The following KIT variants were observed in gnomAD, a reference collection of about 807,000 sequenced individuals.
The protein encoded by KIT is mast/stem cell growth factor receptor Kit.
In KIT, 16 loss-of-function variants were observed where a neutral mutation model predicts 105.7. The ratio of observed to expected loss-of-function variants is 0.15; its 90% confidence interval spans 0.10 to 0.23. KIT has a LOEUF of 0.23. KIT is among the 10% of genes least tolerant of loss of function. The probability of loss-of-function intolerance (pLI) is 1.00; values close to 1 mark genes in which losing one functional copy is unlikely to be tolerated. For synonymous variants in KIT, 438 were observed against 441.1 expected (o/e 0.99, Z 0.09); for missense variants, 858 against 1,213.8 (o/e 0.71, Z 4.36).
At chr4:54,725,576 T>C (rs537348308) in intron 8 of KIT, among the ~76,000 whole-genome samples, 3 of 152,190 alleles carry the variant, frequency 2.0e-5, no homozygotes, top group South Asian at 4.1e-4. Context: ...GGTATTACTA[T>C]CCCTGTTTTA....
At chr4:54,705,406 G>A (rs1487550259) in intron 5 of KIT, among the ~76,000 whole-genome samples, 2 of 152,076 alleles carry the variant, frequency 1.3e-5, no homozygotes, top group Non-Finnish European at 2.9e-5. Context: ...GAAGAGAACA[G>A]GGCTTTGGTA....
chr4:54,690,713 G>A (rs1001752480), intron 1 of KIT, among the ~76,000 whole-genome samples: 2 of 152,122 alleles, frequency 1.3e-5, no homozygotes, highest in African/African-American at 4.8e-5. Flanking sequence ...TGTCTACCAC[G>A]CACATTTCAA....
At chr4:54,682,248 C>A (rs1315366163) in intron 1 of KIT, among the ~76,000 whole-genome samples, 1 of 151,430 alleles carries the variant, frequency 6.6e-6, no homozygotes, top group African/African-American at 2.4e-5. Flanking sequence ...TGCCACCATG[C>A]CTGACTAATT....
At chr4:54,722,131 G>A (rs562401578) in intron 7 of KIT, among the ~76,000 whole-genome samples, 3 of 151,962 alleles carry the variant, frequency 2.0e-5, no homozygotes, top group East Asian at 1.9e-4. Flanking sequence ...GACTACAGGC[G>A]CATGTCACTG....
At chr4:54,674,670 T>C (rs1718340336) in intron 1 of KIT, among the ~76,000 whole-genome samples, 1 of 152,226 alleles carries the variant, frequency 6.6e-6, no homozygotes, top group Admixed American at 6.5e-5. Context: ...GCTTCCAAAA[T>C]AAGTTATTAA....
At chr4:54,724,856 A>G (rs1722121329) in intron 8 of KIT, among the ~76,000 whole-genome samples, 1 of 152,176 alleles carries the variant, frequency 6.6e-6, no homozygotes, top group African/African-American at 2.4e-5. Flanking sequence ...TGTGGGCTGC[A>G]GGTTGGATAA....
At chr4:54,675,386 T>C (rs1718396776) in intron 1 of KIT, among the ~76,000 whole-genome samples, 2 of 152,198 alleles carry the variant, frequency 1.3e-5, no homozygotes, top group South Asian at 4.1e-4. Context: ...ACAGGGCTGG[T>C]CGTTAAGAAT....
intron 5 of KIT, among the ~76,000 whole-genome samples, chr4:54,704,585 C>T (rs1340741001): frequency 1.3e-5 from 2 of 152,110 alleles, no homozygotes; most frequent in African/African-American, 4.8e-5. Flanking sequence ...ATTTATTTTC[C>T]AAGCATCTTT....
chr4:54,733,899 T>A (rs1325824607), intron 17 of KIT, among the ~76,000 whole-genome samples: 1 of 152,204 alleles, frequency 6.6e-6, no homozygotes, highest in African/African-American at 2.4e-5. Flanking sequence ...CATATTGCCC[T>A]TTATAATATT....
At chr4:54,670,051 G>A (rs1577916253) in intron 1 of KIT, among the ~76,000 whole-genome samples, 3 of 152,288 alleles carry the variant, frequency 2.0e-5, no homozygotes, top group East Asian at 3.9e-4. Context: ...AGAGCAGCAG[G>A]CCTCTTGATT....
intron 14 of KIT, among the ~76,000 whole-genome samples, 190 bp downstream of exon 14, chr4:54,729,675 G>C (rs1048087155): frequency 2.6e-5 from 4 of 152,164 alleles, no homozygotes; most frequent in African/African-American, 9.7e-5. Flanking sequence ...TTCAAACCTA[G>C]ATTTTTGCTG....
rs1274601103 is a variant in KIT at position 54,695,746 on chromosome 4, A to G, written c.302A>G (p.His101Arg). 18 of 1,614,216 alleles carry G rather than the reference A, an allele frequency of 1.1e-5. No individual in the cohort carries two copies. Among genetic ancestry groups the G allele is most frequent in the Non-Finnish European group, 1.5e-5 (18 of 1,180,046 alleles). The change falls in exon 2 of 21, where the codon CAC (histidine) becomes CGC (arginine). Residue 101 changes from histidine to arginine, a missense_variant. Transcript: ENST00000288135. ...GGCAAATACACGTGCACCAACAAACACGGCTTAAGCAATTCCATTTATGTG... is the reference window on the plus strand; with the variant it reads ...GGCAAATACACGTGCACCAACAAACGCGGCTTAAGCAATTCCATTTATGTG... ...NTGKYTCTNK[H>R]GLSNSIYVFV...
intron 1 of KIT, among the ~76,000 whole-genome samples, chr4:54,663,358 C>A (rs1189713197): frequency 6.6e-6 from 1 of 152,090 alleles, no homozygotes; most frequent in African/African-American, 2.4e-5. Context: ...GACATAGGGC[C>A]CCTGCGAGGA....
chr4:54,686,670 G>C (rs112665338), intron 1 of KIT, among the ~76,000 whole-genome samples: 3,411 of 152,212 alleles, frequency 0.022, 140 homozygotes, highest in African/African-American at 0.078. Flanking sequence ...TCAGCCTCCT[G>C]AGTACCTGGG....
At chr4:54,729,153 A>G (rs938429720) in intron 13 of KIT, 182 bp from the exon 14 acceptor site, 7 of 619,382 alleles carry the variant, frequency 1.1e-5, no homozygotes, top group Admixed American at 8.8e-5. Flanking sequence ...GTTTTATGTT[A>G]CTCCACATAA....
At chr4:54,700,988 T>C (rs560498375) in intron 4 of KIT, among the ~76,000 whole-genome samples, 4 of 152,390 alleles carry the variant, frequency 2.6e-5, no homozygotes, top group African/African-American at 7.2e-5. Context: ...CTCATATTAA[T>C]TGGCTTTCTA....
rs76365550 is a variant in KIT, at chr4:54,686,051, A to G, written c.68-9461A>G. Among the ~76,000 whole-genome samples the G allele has an allele frequency of 3.4e-4, 52 of 152,278 alleles. 1 individual carries two copies. The East Asian group carries it at 9.1e-3, about 27-fold the overall frequency. ...ATGATAGGAGCTCAATTCCCATTTCATCAATAAGGACACGTTACACAAGTG... is the reference window on the plus strand; with the variant it reads ...ATGATAGGAGCTCAATTCCCATTTCGTCAATAAGGACACGTTACACAAGTG... On this transcript the variant is annotated intron_variant, in intron 1 of 20. Coordinates refer to ENST00000288135, the MANE Select transcript of KIT (RefSeq NM_000222.3).
At chr4:54,723,811 GT>G (rs922337473) in intron 8 of KIT, 113 bp downstream of exon 8, 16 of 762,386 alleles carry the variant, frequency 2.1e-5, no homozygotes, top group Non-Finnish European at 2.5e-5. Flanking sequence ...TTTGATTATT[GT>G]TTTTTTTCTA....
rs576039930 is a variant in KIT, at chr4:54,658,806, C to A, written c.67+725C>A. On this transcript the variant is annotated intron_variant, in intron 1 of 20. Transcript: ENST00000288135. Reference sequence around the variant, plus strand: ...GGCGACAGGGACAACTTGGGCAGGGCGTGTGGAAAGCAGCCGCTAGGTTGC... The same window carrying A: ...GGCGACAGGGACAACTTGGGCAGGGAGTGTGGAAAGCAGCCGCTAGGTTGC... Among the ~76,000 whole-genome samples, 58 of 152,270 alleles carry A rather than the reference C, an allele frequency of 3.8e-4. No individual in the cohort carries two copies. The Middle Eastern group carries it at 0.014, about 36-fold the overall frequency.
Sources: gnomAD v4.1 joint callset for allele counts (sites outside exome capture counted in the v4.1 genomes callset) on GRCh38, gnomAD v4.1.1 for gene constraint, MANE v1.5 for transcripts, NCBI Gene and HGNC (gene_info 2026-07-23, HGNC 2026-07-21) for gene names.